Variants in KCTD17 observed in about 807,000 individuals in gnomAD.
KCTD17 encodes BTB/POZ domain-containing protein KCTD17.
KCTD17 carries 20 observed loss-of-function variants against 41.5 expected under a neutral mutation model. That is an observed-to-expected ratio of 0.48 (90% confidence interval 0.34 to 0.70). The LOEUF is 0.70. Among genes scored for constraint, KCTD17 ranks in the 30% least tolerant of loss-of-function variants. KCTD17 has a pLI of 0.01. For synonymous variants in KCTD17, 156 were observed against 173.8 expected, an observed-to-expected ratio of 0.90 and a Z score of 0.80; for missense variants, 317 against 427.2, an observed-to-expected ratio of 0.74 and a Z score of 2.27.
In KCTD17 at chr22:37,056,477, G is replaced by A. The variant is rs777509126; in HGVS notation, c.390+66G>A. 2.2e-4 allele frequency: 294 copies of A among 1,355,472 alleles called. 2 individuals are homozygous for A. Among genetic ancestry groups the A allele is most frequent in the Middle Eastern group, 2.1e-3 (11 of 5,240 alleles). The allele number at this position is 1,355,472 out of a possible 1,614,324, so 84.0% of individuals were successfully genotyped here. ...AGTGGGGAGAGAGAGGCTGAGAGAC[G>A]GGGCGGGAAGCAGAGGAGGTTGGGA... On this transcript the variant is annotated intron_variant, in intron 3 of 8. Coordinates refer to ENST00000403888, the MANE Select transcript of KCTD17 (RefSeq NM_001282684.2).
Position 37,057,401 on chromosome 22 carries a change from C to CTGTA in KCTD17, c.394_395insTGTA (p.Pro132LeufsTer26). On this transcript the variant is annotated frameshift_variant, in exon 4 of 9. Transcript: ENST00000403888. LOFTEE classifies it high-confidence loss of function. ...TATGTGACCCTTCTGCCCACAGGTC[C>CTGTA]CACCCAAGCACGTGTACCGCGTGCT... is the stretch of plus-strand genomic sequence containing the variant. 1 of 1,613,592 alleles carries CTGTA rather than the reference C, an allele frequency of 6.2e-7. No homozygotes were observed. Among genetic ancestry groups the CTGTA allele is most frequent in the Non-Finnish European group, 8.5e-7 (1 of 1,179,680 alleles).
chr22:37,051,751 G>T lies in KCTD17; in HGVS notation c.-10G>T. On this transcript the variant is annotated 5_prime_UTR_variant, in exon 1 of 9. Transcript: ENST00000403888. The stretch of plus-strand genomic sequence containing the variant: ...CGCCCGGGAGGAGGATGCAGACGCC[G>T]CGGCCGGCGATGAGGATGGAGGCCG... The T allele has an allele frequency of 2.5e-6, 3 of 1,218,976 alleles. No individual in the cohort carries two copies. Among genetic ancestry groups the T allele is most frequent in the Non-Finnish European group, 2.0e-6 (2 of 980,198 alleles). 75.5% of individuals were successfully genotyped at this position (1,218,976 alleles called of 1,614,324 possible). A position where few individuals can be genotyped will look rare whatever the true frequency, so the allele number is the denominator to read the frequency against.
At chr22:37,059,272 A>G in intron 4 of KCTD17, 41 bp from the exon 5 acceptor site, 5 of 1,607,812 alleles carry the variant, frequency 3.1e-6, no homozygotes, top group Middle Eastern at 1.7e-4. Flanking sequence ...ACGGCCCCCA[A>G]CACCAACCTG....
chr22:37,060,350 G>A (rs926081136), intron 5 of KCTD17, among the ~76,000 whole-genome samples: 3 of 150,326 alleles, frequency 2.0e-5, no homozygotes, highest in Admixed American at 1.3e-4. Context: ...GGTGCAGAGC[G>A]AGACTGCTCC....
In KCTD17 at chr22:37,060,833, A is replaced by C; in HGVS notation, c.623A>C (p.Glu208Ala). 6.6e-7 allele frequency: 1 copy of C among 1,514,392 alleles called. No individual in the cohort carries two copies. 93.8% of individuals were successfully genotyped at this position (1,514,392 alleles called of 1,614,324 possible). ...ESSRKTKSTE[E>A]QLEEQQQQEE... is the part of the protein sequence containing the mutation. ...CCGGCTGGTTCACAGAGCACGGAGG[A>C]GCAGCTGGAGGAGCAGCAGCAGCAG... Residue 208 changes from glutamate to alanine, a missense_variant, in exon 6 of 9, where the codon GAG becomes GCG. Physicochemically the swap from Glu to Ala is moderately radical, Grantham distance 107. This residue lies in a region of KCTD17 where 177 missense variants were observed against 194.4 expected (regional missense o/e 0.91). Coordinates refer to ENST00000403888, the MANE Select transcript of KCTD17 (RefSeq NM_001282684.2).
At chr22:37,060,026 C>T (rs950784628) in intron 5 of KCTD17, among the ~76,000 whole-genome samples, 15 of 152,316 alleles carry the variant, frequency 9.8e-5, no homozygotes, top group African/African-American at 2.6e-4. Flanking sequence ...CCTGTGTGTC[C>T]GCCTGGCCTG....
At position 37,062,695 on chromosome 22, in the gene KCTD17, C is replaced by T. The variant is rs984299291; in HGVS notation, c.*101C>T. 2.6e-6 allele frequency: 4 copies of T among 1,536,822 alleles called. No homozygotes were observed. The African/African-American group carries it at 5.5e-5, about 21-fold the overall frequency. ...TCTGCACCCGTGGGGCTGTGACTTACTCCTGCCTCCAGGGGCGGGGCGGGG... is the reference window on the plus strand; with the variant it reads ...TCTGCACCCGTGGGGCTGTGACTTATTCCTGCCTCCAGGGGCGGGGCGGGG... On this transcript the variant is annotated 3_prime_UTR_variant, in exon 9 of 9. Transcript: ENST00000403888.
chr22:37,059,764 G>A (rs185364748), intron 5 of KCTD17, among the ~76,000 whole-genome samples: 1 of 152,338 alleles, frequency 6.6e-6, no homozygotes, highest in East Asian at 1.9e-4. Context: ...GTGTGACTTA[G>A]GACAGGGCTT....
At chr22:37,060,676 C>A in intron 5 of KCTD17, 147 bp from the exon 6 acceptor site, 1 of 1,237,696 alleles carries the variant, frequency 8.1e-7, no homozygotes, top group Non-Finnish European at 1.1e-6. Flanking sequence ...GAGAAGATGC[C>A]CCCAGCTTCT....
In KCTD17 at chr22:37,061,200, C is replaced by T. The variant is rs1363373149; in HGVS notation, c.784+25C>T. 2 of 1,550,866 alleles carry T rather than the reference C, an allele frequency of 1.3e-6. No homozygotes were observed. Among genetic ancestry groups the T allele is most frequent in the South Asian group, 1.2e-5 (1 of 84,058 alleles). On this transcript the variant is annotated intron_variant, in intron 7 of 8. Transcript: ENST00000403888. The surrounding 1 kb of genome is among the most constrained non-coding windows in gnomAD (Gnocchi z 6.6). The stretch of plus-strand genomic sequence containing the variant: ...GGTCCTGCCTCATCTTCATCCACCT[C>T]TTCTTCCTCCTGGATCTCATCTGCA...
intron 3 of KCTD17, 58 bp downstream of exon 3, chr22:37,056,469 TGA>T: frequency 7.1e-7 from 1 of 1,417,814 alleles, no homozygotes; most frequent in Non-Finnish European, 9.9e-7. Context: ...AGAGAGAGGC[TGA>T]GAGACGGGGC....
At position 37,053,355 on chromosome 22, in the gene KCTD17, A is replaced by G. The variant is rs78578257; in HGVS notation, c.298+147A>G. 3.1e-3 allele frequency: 2,074 copies of G among 665,168 alleles called. 31 individuals are homozygous for G. In the African/African-American group the frequency reaches 0.034, roughly 11 times the overall value. The allele number at this position is 665,168 out of a possible 1,614,324, so 41.2% of individuals were successfully genotyped here. Reference sequence around the variant, plus strand: ...CCCAGTCGGACGGGGCTGATTCCCAAGCATCTGCCTGTGCCGAGCCTGGGG... The same window carrying G: ...CCCAGTCGGACGGGGCTGATTCCCAGGCATCTGCCTGTGCCGAGCCTGGGG... On this transcript the variant is annotated intron_variant, in intron 2 of 8. Coordinates refer to ENST00000403888, the MANE Select transcript of KCTD17 (RefSeq NM_001282684.2). The surrounding 1 kb of genome is among the most constrained non-coding windows in gnomAD (Gnocchi z 4.1).
At chr22:37,052,092 AGGAGGGGAGGG>A in intron 1 of KCTD17, 143 bp downstream of exon 1, 1 of 504,164 alleles carries the variant, frequency 2.0e-6, no homozygotes, top group Non-Finnish European at 2.8e-6. Flanking sequence ...AAGCGGCAGG[AGGAGGGGAGGG>A]GGAGGTGGGT....
At chr22:37,052,105 G>T in intron 1 of KCTD17, 156 bp downstream of exon 1, 3 of 862,628 alleles carry the variant, frequency 3.5e-6, no homozygotes, top group Middle Eastern at 4.1e-4. Flanking sequence ...AGGGGAGGGG[G>T]AGGTGGGTCT....
intron 8 of KCTD17, chr22:37,062,074 C>G: frequency 1.0e-6 from 1 of 981,128 alleles, no homozygotes; most frequent in Middle Eastern, 5.3e-4. Context: ...TTTCTGCCTG[C>G]TCTGTGACCT....
intron 3 of KCTD17, among the ~76,000 whole-genome samples, chr22:37,056,792 C>T (rs939803638): frequency 6.6e-6 from 1 of 152,172 alleles, no homozygotes; most frequent in African/African-American, 2.4e-5. Flanking sequence ...GCAGGATTAG[C>T]AAATTGTGCC....
intron 4 of KCTD17, 83 bp downstream of exon 4, chr22:37,057,576 GC>G: frequency 9.1e-7 from 1 of 1,101,410 alleles, no homozygotes; most frequent in Non-Finnish European, 1.3e-6. Flanking sequence ...CCTTCCTGCA[GC>G]CCCAGCCTTG....
intron 4 of KCTD17, among the ~76,000 whole-genome samples, chr22:37,058,746 T>C (rs1925432638): frequency 6.6e-6 from 1 of 152,222 alleles, no homozygotes. Flanking sequence ...TCTGAGAGCC[T>C]CTGGGTGTCT....
At chr22:37,056,437 G>C in intron 3 of KCTD17, 26 bp downstream of exon 3, 2 of 1,584,964 alleles carry the variant, frequency 1.3e-6, no homozygotes, top group Non-Finnish European at 1.7e-6. Context: ...AGCACACACG[G>C]CCAGGGCAGG....
Sources: gnomAD v4.1 joint callset for allele counts (sites outside exome capture counted in the v4.1 genomes callset) on GRCh38, gnomAD v4.1.1 for gene constraint, gnomAD v4.1.1 regional missense constraint, Gnocchi (gnomAD v3.1) non-coding constraint, MANE v1.5 for transcripts, NCBI Gene and HGNC (gene_info 2026-07-23, HGNC 2026-07-21) for gene names.